KIAA1549L: variants seen among roughly 807,000 people sequenced by gnomAD.
KIAA1549L encodes the protein KIAA1549 like, also known as UPF0606 protein KIAA1549L.
In KIAA1549L, 88 loss-of-function variants were observed where a neutral mutation model predicts 160.7. The ratio of observed to expected loss-of-function variants is 0.55; its 90% CI spans 0.46 to 0.65. The LOEUF (loss-of-function observed/expected upper bound fraction) is 0.65, where lower values mean the gene tolerates loss of function less well. Among genes scored for constraint, KIAA1549L ranks in the 30% least tolerant of loss-of-function variants. The pLI is 0.00. For missense variants in KIAA1549L, 2,258 were observed against 2,437.5 expected, an observed-to-expected ratio of 0.93 and a Z score of 1.55; for synonymous variants, 950 against 976.7, an observed-to-expected ratio of 0.97 and a Z score of 0.51.
intron 1 of KIAA1549L, among the ~76,000 whole-genome samples, chr11:33,402,652 G>A (rs948380860): frequency 6.6e-6 from 1 of 152,154 alleles, no homozygotes; most frequent in African/African-American, 2.4e-5. Flanking sequence ...AAAATCAGAG[G>A]ATTCCATATA....
intron 1 of KIAA1549L, among the ~76,000 whole-genome samples, chr11:33,424,616 C>G (rs931404725): frequency 6.6e-6 from 1 of 152,150 alleles, no homozygotes; most frequent in African/African-American, 2.4e-5. Flanking sequence ...CTTGATAGAG[C>G]TTATGTTAAG....
At chr11:33,572,870 G>T (rs1265958510) in intron 9 of KIAA1549L, among the ~76,000 whole-genome samples, 4 of 152,192 alleles carry the variant, frequency 2.6e-5, no homozygotes, top group Admixed American at 1.3e-4. Flanking sequence ...ATAGGAAACT[G>T]CCAGACCTTT....
chr11:33,507,514 A>G (rs1318579458), intron 1 of KIAA1549L, among the ~76,000 whole-genome samples: 1 of 152,172 alleles, frequency 6.6e-6, no homozygotes, highest in Non-Finnish European at 1.5e-5. Flanking sequence ...ATGGAATTGG[A>G]AAGTCCTGGC....
rs1052819601 is a variant in KIAA1549L, at chr11:33,672,855, G to T, written c.*4701G>T. ...ACAATAAATACTTGTAAATTGAATT[G>T]CATGATCTTAGCTCAGGTGCTACTA... is the stretch of plus-strand genomic sequence containing the variant. On this transcript the variant is annotated 3_prime_UTR_variant, in exon 21 of 21. Coordinates refer to ENST00000658780, the MANE Select transcript of KIAA1549L (RefSeq NM_012194.3). 1 of 153,778 alleles carries T rather than the reference G, an allele frequency of 6.5e-6. No homozygotes were observed. Among genetic ancestry groups the T allele is most frequent in the Non-Finnish European group, 1.5e-5 (1 of 68,046 alleles). The allele number at this position is 153,778 out of a possible 1,614,324, so 9.5% of individuals were successfully genotyped here. A position where few individuals can be genotyped will look rare whatever the true frequency, so the allele number is the denominator to read the frequency against.
chr11:33,502,378 C>T (rs1852972396), intron 1 of KIAA1549L, among the ~76,000 whole-genome samples: 1 of 152,158 alleles, frequency 6.6e-6, no homozygotes, highest in Non-Finnish European at 1.5e-5. Flanking sequence ...CTTTTAACAC[C>T]TCTCTAGCTT....
chr11:33,648,764 G>T (rs1175192727), intron 17 of KIAA1549L, among the ~76,000 whole-genome samples: 1 of 151,906 alleles, frequency 6.6e-6, no homozygotes, highest in Non-Finnish European at 1.5e-5. Flanking sequence ...TCTATGCCAA[G>T]CAGAATTAAA....
Position 33,545,155 on chromosome 11 carries a change from C to T in KIAA1549L, c.3162C>T (p.Asn1054=). The change falls in exon 3 of 21, where the codon AAC becomes AAT. Residue 1054 remains asparagine, a synonymous_variant. Coordinates refer to ENST00000658780, the MANE Select transcript of KIAA1549L (RefSeq NM_012194.3). The part of the protein sequence containing the change: ...KPQAMHTGLP[N]PTNLEMPRAS... The stretch of plus-strand genomic sequence containing the variant: ...AAGCCATGCACACCGGCCTCCCAAA[C>T]CCCACCAACCTGGAGATGCCCAGAG... 6.2e-7 allele frequency: 1 copy of T among 1,614,032 alleles called. No individual in the cohort carries two copies. Among genetic ancestry groups the T allele is most frequent in the Non-Finnish European group, 8.5e-7 (1 of 1,179,898 alleles).
At chr11:33,442,494 T>G (rs1851530884) in intron 1 of KIAA1549L, among the ~76,000 whole-genome samples, 1 of 152,234 alleles carries the variant, frequency 6.6e-6, no homozygotes, top group Admixed American at 6.5e-5. Context: ...TTCTCTCAAC[T>G]CTTTGAAGAT....
At chr11:33,457,133 CTT>C (rs1016617791) in intron 1 of KIAA1549L, among the ~76,000 whole-genome samples, 1 of 151,192 alleles carries the variant, frequency 6.6e-6, no homozygotes, top group Non-Finnish European at 1.5e-5. Flanking sequence ...ATAGTGGAAG[CTT>C]TTCATTTTTC....
intron 17 of KIAA1549L, among the ~76,000 whole-genome samples, chr11:33,651,376 G>A (rs1264838992): frequency 6.6e-6 from 1 of 151,608 alleles, no homozygotes; most frequent in Non-Finnish European, 1.5e-5. Flanking sequence ...GGCAGAGGTT[G>A]CAGTGAGCCG....
At chr11:33,471,757 A>G (rs997936560) in intron 1 of KIAA1549L, among the ~76,000 whole-genome samples, 1 of 152,198 alleles carries the variant, frequency 6.6e-6, no homozygotes, top group South Asian at 2.1e-4. Context: ...TGTTAGCCCT[A>G]TCAGGGAATT....
At chr11:33,454,846 T>C (rs1191157647) in intron 1 of KIAA1549L, among the ~76,000 whole-genome samples, 1 of 152,122 alleles carries the variant, frequency 6.6e-6, no homozygotes, top group Non-Finnish European at 1.5e-5. Flanking sequence ...TCTCAGCACT[T>C]TGGGAGGCCG....
Position 33,543,741 on chromosome 11 carries a change from A to C in KIAA1549L, c.2178A>C (p.Gly726=), listed in dbSNP as rs1325085552. The change falls in exon 2 of 21, where the codon GGA becomes GGC. Residue 726 remains glycine (G), a synonymous_variant. Coordinates refer to ENST00000658780, the MANE Select transcript of KIAA1549L (RefSeq NM_012194.3). ...LQQQTNYDLN[G]HTISTTSWET... ...AGCAAACAAATTATGATTTAAATGG[A>C]CACACAATTAGCACCACAAGTTGGG... is the stretch of plus-strand genomic sequence containing the variant. 1.2e-6 allele frequency: 2 copies of C among 1,614,064 alleles called. No homozygotes were observed. Among genetic ancestry groups the C allele is most frequent in the South Asian group, 2.2e-5 (2 of 91,090 alleles).
intron 6 of KIAA1549L, among the ~76,000 whole-genome samples, chr11:33,557,902 G>A (rs997699739): frequency 2.6e-5 from 4 of 151,896 alleles, no homozygotes; most frequent in Admixed American, 6.6e-5. Context: ...AGGAAGGGGC[G>A]GGGTAGAGAA....
At chr11:33,468,204 A>C (rs935133813) in intron 1 of KIAA1549L, among the ~76,000 whole-genome samples, 19 of 152,246 alleles carry the variant, frequency 1.2e-4, no homozygotes, top group African/African-American at 4.1e-4. Context: ...GGCTCTTCAA[A>C]GGGAACTGCT....
At chr11:33,396,332 A>G (rs1004351469) in intron 1 of KIAA1549L, among the ~76,000 whole-genome samples, 2 of 152,198 alleles carry the variant, frequency 1.3e-5, no homozygotes, top group East Asian at 1.9e-4. Flanking sequence ...AAAAATATCC[A>G]TGAGAAGATT....
chr11:33,616,474 T>C (rs1184371952), intron 15 of KIAA1549L, among the ~76,000 whole-genome samples: 1 of 152,084 alleles, frequency 6.6e-6, no homozygotes, highest in African/African-American at 2.4e-5. Flanking sequence ...TGCCTACCCC[T>C]GGAGGAAAGG....
intron 16 of KIAA1549L, among the ~76,000 whole-genome samples, chr11:33,633,241 T>C (rs918625668): frequency 1.0e-4 from 15 of 145,090 alleles, no homozygotes; most frequent in Non-Finnish European, 2.1e-4. Context: ...TCAGGTGATC[T>C]GCCCGCCTCT....
chr11:33,463,825 C>T (rs1247790696), intron 1 of KIAA1549L, among the ~76,000 whole-genome samples: 1 of 152,208 alleles, frequency 6.6e-6, no homozygotes, highest in Admixed American at 6.5e-5. Flanking sequence ...CAATTCTGCC[C>T]ATTATTAACA....
Sources: allele counts gnomAD v4.1 joint callset (sites outside exome capture counted in the v4.1 genomes callset), GRCh38; gene constraint gnomAD v4.1.1; transcripts MANE v1.5; gene names NCBI Gene and HGNC (gene_info 2026-07-23, HGNC 2026-07-21).